GNAT3: variants seen among roughly 807,000 people sequenced by gnomAD.
The protein encoded by GNAT3 is guanine nucleotide-binding protein G(t) subunit alpha-3.
A neutral mutation model predicts 37.7 loss-of-function variants in GNAT3; 31 were observed. The observed-to-expected ratio is 0.82, with a 90% confidence interval of 0.62 to 1.11. GNAT3 has a LOEUF of 1.11. Ranked by LOEUF, GNAT3 falls within the 50% of genes most tolerant of loss-of-function variation. GNAT3 has a pLI of 0.00. For synonymous variants in GNAT3, 138 were observed against 139.8 expected (o/e 0.99, Z 0.09); for missense variants, 437 against 412.5 (o/e 1.06, Z -0.51).
intron 7 of GNAT3, among the ~76,000 whole-genome samples, chr7:80,461,584 A>AT: frequency 7.1e-6 from 1 of 140,726 alleles, no homozygotes; most frequent in South Asian, 2.4e-4. Context: ...AACTATTTAC[A>AT]AAAATAAATA....
Position 80,474,374 on chromosome 7 carries a change from A to T in GNAT3, c.467T>A (p.Leu156His), listed in dbSNP as rs1329059719. 1 of 1,531,488 alleles carries T rather than the reference A, an allele frequency of 6.5e-7. No individual in the cohort carries two copies. Among genetic ancestry groups the T allele is most frequent in the Non-Finnish European group, 8.8e-7 (1 of 1,131,376 alleles). 94.9% of individuals were successfully genotyped at this position (1,531,488 alleles called of 1,614,324 possible). Residue 156 changes from leucine to histidine, a missense_variant, in exon 5 of 8, where the codon CTT (leucine) becomes CAT (histidine). Leu to His is a moderately conservative substitution (Grantham distance 99). Coordinates refer to ENST00000398291, the MANE Select transcript of GNAT3 (RefSeq NM_001102386.3). ...TGCTGTTATTCTATCTAAATCATTA[A>T]GGTAGCTAATAAAGACAAAACAAAA... ...YQLNDSAAYY[L>H]NDLDRITASG...
intron 5 of GNAT3, among the ~76,000 whole-genome samples, chr7:80,470,791 G>A (rs1790201265): frequency 6.6e-6 from 1 of 152,024 alleles, no homozygotes. Context: ...CCTATTGTAA[G>A]AATAAAATGT....
chr7:80,501,172 A>C (rs553220629), intron 1 of GNAT3, among the ~76,000 whole-genome samples: 2 of 152,238 alleles, frequency 1.3e-5, no homozygotes, highest in South Asian at 2.1e-4. Flanking sequence ...TGCCAAAAAA[A>C]CACATTGTTT....
At chr7:80,463,087 T>C (rs895833659) in intron 5 of GNAT3, among the ~76,000 whole-genome samples, 1 of 152,170 alleles carries the variant, frequency 6.6e-6, no homozygotes, top group Non-Finnish European at 1.5e-5. Context: ...TTCTATGTAC[T>C]AGACACTGTG....
intron 5 of GNAT3, among the ~76,000 whole-genome samples, chr7:80,466,738 T>A (rs1023507947): frequency 2.6e-5 from 4 of 152,118 alleles, no homozygotes; most frequent in Admixed American, 6.6e-5. Context: ...ATCTGAAGCA[T>A]CTCTGAGATG....
intron 5 of GNAT3, among the ~76,000 whole-genome samples, chr7:80,464,218 A>C (rs999162203): frequency 6.6e-6 from 1 of 151,992 alleles, no homozygotes; most frequent in Non-Finnish European, 1.5e-5. Context: ...ATGAAAATAG[A>C]CTTCAGATAT....
intron 7 of GNAT3, among the ~76,000 whole-genome samples, chr7:80,461,023 T>C (rs1790040345): frequency 9.3e-6 from 1 of 107,196 alleles, no homozygotes; most frequent in South Asian, 2.8e-4. Context: ...ATTTAATTAG[T>C]AATCAATATA....
At chr7:80,507,714 A>G (rs1333528660) in intron 1 of GNAT3, among the ~76,000 whole-genome samples, 1 of 152,034 alleles carries the variant, frequency 6.6e-6, no homozygotes, top group Non-Finnish European at 1.5e-5. Flanking sequence ...ATTCTGCTGC[A>G]TGGTTAAACC....
At chr7:80,459,229 G>A (rs1248494000) in intron 7 of GNAT3, among the ~76,000 whole-genome samples, 1 of 152,144 alleles carries the variant, frequency 6.6e-6, no homozygotes, top group Non-Finnish European at 1.5e-5. Flanking sequence ...GATGACTAAG[G>A]CACAGAAGGA....
intron 4 of GNAT3, 115 bp downstream of exon 4, chr7:80,478,726 A>T (rs1476851424): frequency 2.0e-6 from 2 of 1,011,440 alleles, no homozygotes; most frequent in African/African-American, 3.3e-5. Flanking sequence ...TACTCTAATA[A>T]AATGTAACAC....
chr7:80,502,835 C>G (rs1790861575), intron 1 of GNAT3, among the ~76,000 whole-genome samples: 1 of 152,036 alleles, frequency 6.6e-6, no homozygotes, highest in Non-Finnish European at 1.5e-5. Context: ...CCACCCCAAT[C>G]ACTCCTCTCA....
intron 2 of GNAT3, among the ~76,000 whole-genome samples, chr7:80,493,967 C>T (rs982752782): frequency 2.0e-5 from 3 of 151,774 alleles, no homozygotes; most frequent in Non-Finnish European, 4.4e-5. Flanking sequence ...TCTGTTTCTT[C>T]TGCTTCTTCT....
At chr7:80,505,674 T>C (rs1201864457) in intron 1 of GNAT3, among the ~76,000 whole-genome samples, 1 of 152,208 alleles carries the variant, frequency 6.6e-6, no homozygotes, top group Non-Finnish European at 1.5e-5. Context: ...CAGAGAGCGA[T>C]ATTTCTAGAT....
intron 1 of GNAT3, among the ~76,000 whole-genome samples, chr7:80,508,266 A>C (rs917645760): frequency 2.7e-5 from 4 of 148,778 alleles, no homozygotes; most frequent in Non-Finnish European, 4.4e-5. Context: ...ATGTGATGGA[A>C]ATTTGCAAAA....
At chr7:80,470,766 T>C (rs565403655) in intron 5 of GNAT3, among the ~76,000 whole-genome samples, 1 of 151,900 alleles carries the variant, frequency 6.6e-6, no homozygotes, top group African/African-American at 2.4e-5. Flanking sequence ...GGTCTGGAGG[T>C]CTAAACTGAA....
At chr7:80,500,896 C>T (rs753727273) in intron 1 of GNAT3, among the ~76,000 whole-genome samples, 2 of 151,938 alleles carry the variant, frequency 1.3e-5, no homozygotes, top group Non-Finnish European at 2.9e-5. Flanking sequence ...AAAGTCCCCC[C>T]AACCTTTTCT....
Position 80,511,835 on chromosome 7 carries a change from G to T in GNAT3, c.92C>A (p.Ala31Glu). 6.2e-7 allele frequency: 1 copy of T among 1,610,934 alleles called. No individual in the cohort carries two copies. The highest frequency in any genetic ancestry group is 1.1e-5 in the South Asian group (1 of 90,786). Residue 31 changes from alanine (A) to glutamate (E), a missense_variant, in exon 1 of 8, where the codon GCA becomes GAA. Coordinates refer to ENST00000398291, the MANE Select transcript of GNAT3 (RefSeq NM_001102386.3). ...KKLQEDAERD[A>E]RTVKLLLLGA... ...TAATAGTAGCAGCTTTACGGTTCTT[G>T]CATCTCGCTCAGCATCCTCCTGAAG... is the stretch of plus-strand genomic sequence containing the variant.
At chr7:80,507,844 A>G (rs1790979110) in intron 1 of GNAT3, among the ~76,000 whole-genome samples, 2 of 152,008 alleles carry the variant, frequency 1.3e-5, no homozygotes, top group South Asian at 4.1e-4. Flanking sequence ...CATTTGTTGA[A>G]TAAGTGAAAC....
intron 3 of GNAT3, among the ~76,000 whole-genome samples, chr7:80,485,898 T>A (rs1202816506): frequency 6.6e-6 from 1 of 152,138 alleles, no homozygotes; most frequent in East Asian, 1.9e-4. Context: ...GACACTGAAA[T>A]TTAGAGAGGT....
Sources: gnomAD v4.1 joint callset for allele counts (sites outside exome capture counted in the v4.1 genomes callset) on GRCh38, gnomAD v4.1.1 for gene constraint, MANE v1.5 for transcripts, NCBI Gene and HGNC (gene_info 2026-07-23, HGNC 2026-07-21) for gene names.